Variants in PDE1C observed in about 807,000 individuals in gnomAD.
PDE1C encodes the protein dual specificity calcium/calmodulin-dependent 3',5'-cyclic nucleotide phosphodiesterase 1C.
In PDE1C, 62 loss-of-function variants were observed where a neutral mutation model predicts 93.1. The observed-to-expected ratio is 0.67, with a 90% CI of 0.54 to 0.82. The LOEUF (loss-of-function observed/expected upper bound fraction) is 0.82. Ranked by LOEUF, PDE1C falls within the 40% of genes least tolerant of loss-of-function variation. The probability of loss-of-function intolerance (pLI) is 0.00; values close to 1 mark genes in which losing one functional copy is unlikely to be tolerated. For synonymous variants in PDE1C, 325 were observed against 310.1 expected, an observed-to-expected ratio of 1.05 and a Z score of -0.50; for missense variants, 742 against 884.6, an observed-to-expected ratio of 0.84 and a Z score of 2.04.
At chr7:31,618,643 A>G in the PDE1C span, among the ~76,000 whole-genome samples, 46 of 152,286 alleles carry the variant, frequency 3.0e-4, no homozygotes, top group African/African-American at 4.3e-4. Flanking sequence ...TGGGGTCACA[A>G]TGTAGAAACC....
chr7:32,380,454 G>A (rs376865980), intron 1 of PDE1C, among the ~76,000 whole-genome samples: 2 of 146,738 alleles, frequency 1.4e-5, no homozygotes, highest in East Asian at 2.0e-4. Context: ...CACATCGTTA[G>A]CCAGGCTGGT....
At chr7:32,259,335 C>G (rs1227743809) in intron 1 of PDE1C, among the ~76,000 whole-genome samples, 1 of 152,142 alleles carries the variant, frequency 6.6e-6, no homozygotes, top group Admixed American at 6.5e-5. Context: ...ATCATCAGCT[C>G]TTCTTTAATT....
the PDE1C span, among the ~76,000 whole-genome samples, chr7:31,619,858 G>A: frequency 2.0e-5 from 3 of 152,304 alleles, no homozygotes; most frequent in South Asian, 6.2e-4. Context: ...CCTAGTCAAA[G>A]AAAGGGGTGA....
At chr7:32,415,375 C>T (rs1372583680) in intron 1 of PDE1C, among the ~76,000 whole-genome samples, 2 of 152,082 alleles carry the variant, frequency 1.3e-5, no homozygotes, top group Non-Finnish European at 1.5e-5. Flanking sequence ...AGCTTGAATC[C>T]AGGAGGTGGA....
At chr7:32,056,615 GAGTTAAATGTAATGATGACTGCAGGGCAT>G (rs1442453857) in intron 1 of PDE1C, among the ~76,000 whole-genome samples, 49 of 152,124 alleles carry the variant, frequency 3.2e-4, no homozygotes, top group African/African-American at 1.1e-3. Flanking sequence ...GGTGATGTGA[GAGTTAAATGTAATGATGACTGCAGGGCAT>G]TTAGCATAGT....
chr7:31,692,780 TC>T, the PDE1C span, among the ~76,000 whole-genome samples: 9 of 152,198 alleles, frequency 5.9e-5, no homozygotes, highest in Non-Finnish European at 1.3e-4. Context: ...AGCATCGTCC[TC>T]TTTTTCTGGG....
chr7:31,852,294 C>T (rs1793442835), intron 7 of PDE1C, among the ~76,000 whole-genome samples: 1 of 151,974 alleles, frequency 6.6e-6, no homozygotes, highest in Admixed American at 6.5e-5. Flanking sequence ...TAACAGAATC[C>T]AGCATGAAAT....
chr7:31,873,514 C>T lies in PDE1C; in HGVS notation c.493-106G>A, dbSNP rs2128864994. ...CCTGCAGCCCTCACTGGAGATTTCA[C>T]AGTGTGACACTCAAACAGACTTTCC... On this transcript the variant is annotated intron_variant, in intron 5 of 17. Transcript: ENST00000396191. 5 of 693,332 alleles carry T rather than the reference C, an allele frequency of 7.2e-6. No homozygotes were observed. The South Asian group carries it at 9.1e-5, about 13-fold the overall frequency. The allele number at this position is 693,332 out of a possible 1,614,324, so 42.9% of individuals were successfully genotyped here. A position where few individuals can be genotyped will look rare whatever the true frequency, so the allele number is the denominator to read the frequency against.
intron 1 of PDE1C, among the ~76,000 whole-genome samples, chr7:32,056,575 A>G (rs1241053353): frequency 6.6e-6 from 1 of 152,096 alleles, no homozygotes; most frequent in Non-Finnish European, 1.5e-5. Flanking sequence ...CATCTGTAAA[A>G]TTTGGGTAAC....
chr7:32,004,892 C>A (rs1006697100), intron 2 of PDE1C, among the ~76,000 whole-genome samples: 8 of 152,202 alleles, frequency 5.3e-5, no homozygotes, highest in African/African-American at 1.4e-4. Context: ...ATTTGAAGAG[C>A]CACTTGTGAA....
chr7:32,158,303 C>G (rs1178486278), intron 3 of PDE1C, among the ~76,000 whole-genome samples: 1 of 152,154 alleles, frequency 6.6e-6, no homozygotes, highest in Non-Finnish European at 1.5e-5. Flanking sequence ...AGAGTTATTT[C>G]CCCTTCTAAA....
intron 1 of PDE1C, among the ~76,000 whole-genome samples, chr7:32,253,055 T>C (rs1335883627): frequency 2.0e-5 from 3 of 152,288 alleles, no homozygotes; most frequent in African/African-American, 7.2e-5. Flanking sequence ...AAGATCATTC[T>C]GGCTGCTGAA....
chr7:32,396,238 G>A (rs778938394), intron 1 of PDE1C, among the ~76,000 whole-genome samples: 2 of 152,120 alleles, frequency 1.3e-5, no homozygotes, highest in Non-Finnish European at 2.9e-5. Flanking sequence ...CAACACTTTG[G>A]GAGGCTGAGG....
intron 3 of PDE1C, among the ~76,000 whole-genome samples, chr7:32,141,261 G>A (rs1300780494): frequency 6.6e-6 from 1 of 152,166 alleles, no homozygotes; most frequent in Non-Finnish European, 1.5e-5. Context: ...AAGGACAGGA[G>A]TTCAATGCTG....
chr7:32,127,553 T>C (rs1799656335), intron 3 of PDE1C, among the ~76,000 whole-genome samples: 1 of 151,976 alleles, frequency 6.6e-6, no homozygotes, highest in Non-Finnish European at 1.5e-5. Context: ...AAACTAAAAA[T>C]AGAACCAAAT....
chr7:31,625,459 C>T, the PDE1C span, among the ~76,000 whole-genome samples: 1 of 152,086 alleles, frequency 6.6e-6, no homozygotes, highest in African/African-American at 2.4e-5. Flanking sequence ...ATGATGAGTT[C>T]ATGTCCTTTG....
chr7:31,725,214 A>G, the PDE1C span, among the ~76,000 whole-genome samples: 1 of 152,104 alleles, frequency 6.6e-6, no homozygotes, highest in Non-Finnish European at 1.5e-5. Context: ...TGTGGCCTGC[A>G]CAAAGATGAT....
chr7:31,732,638 C>CTGTGTGTGTGTGTGTG, the PDE1C span, among the ~76,000 whole-genome samples: 109 of 144,298 alleles, frequency 7.6e-4, 2 homozygotes, highest in Non-Finnish European at 1.1e-3. Flanking sequence ...TCCTCTCTTT[C>CTGTGTGTGTGTGTGTG]TGTGTGTGTG....
At chr7:32,333,583 G>A (rs1783553606) in intron 1 of PDE1C, among the ~76,000 whole-genome samples, 1 of 152,116 alleles carries the variant, frequency 6.6e-6, no homozygotes, top group Non-Finnish European at 1.5e-5. Context: ...AAAAGATTGT[G>A]TGCTGTGTAA....
Sources: allele counts gnomAD v4.1 joint callset (sites outside exome capture counted in the v4.1 genomes callset), GRCh38; gene constraint gnomAD v4.1.1; transcripts MANE v1.5; gene names NCBI Gene and HGNC (gene_info 2026-07-23, HGNC 2026-07-21).